The following TMEM182 variants were observed in gnomAD, a reference collection of about 807,000 sequenced individuals.
The protein encoded by TMEM182 is transmembrane protein 182.
In TMEM182, 20 loss-of-function variants were observed where a neutral mutation model predicts 26.8. The observed-to-expected ratio is 0.75, with a 90% CI of 0.53 to 1.09. The LOEUF is 1.09. TMEM182 is among the 50% of genes least tolerant of loss of function. The pLI is 0.00. For missense variants in TMEM182, 277 were observed against 275.5 expected, an observed-to-expected ratio of 1.01 and a Z score of -0.04; for synonymous variants, 109 against 102.2, an observed-to-expected ratio of 1.07 and a Z score of -0.40.
chr2:102,739,067 C>T (rs770760392), intron 1 of TMEM182, among the ~76,000 whole-genome samples: 3 of 152,166 alleles, frequency 2.0e-5, no homozygotes, highest in Non-Finnish European at 4.4e-5. Flanking sequence ...TGCGATTGCT[C>T]TCTTTTGTAG....
chr2:102,737,796 AG>A (rs1328685180), intron 1 of TMEM182, among the ~76,000 whole-genome samples: 1 of 152,250 alleles, frequency 6.6e-6, no homozygotes, highest in Non-Finnish European at 1.5e-5. Flanking sequence ...TGTTAACAAT[AG>A]TGACTAGCCC....
intron 1 of TMEM182, among the ~76,000 whole-genome samples, chr2:102,745,282 A>AG (rs1274953696): frequency 6.6e-6 from 1 of 152,018 alleles, no homozygotes; most frequent in Non-Finnish European, 1.5e-5. Flanking sequence ...AATCTTTCTT[A>AG]GAGTTTTTAT....
chr2:102,789,098 C>T (rs1008926109), intron 3 of TMEM182, among the ~76,000 whole-genome samples: 1 of 152,084 alleles, frequency 6.6e-6, no homozygotes. Context: ...TCATTTGCTG[C>T]GAGGGAGGTG....
At chr2:102,831,055 G>A (rs1252076525) in intron 3 of TMEM182, among the ~76,000 whole-genome samples, 1 of 152,166 alleles carries the variant, frequency 6.6e-6, no homozygotes, top group Non-Finnish European at 1.5e-5. Flanking sequence ...TTTTATGGCT[G>A]AAGAGTACTC....
intron 3 of TMEM182, among the ~76,000 whole-genome samples, chr2:102,842,520 C>T (rs1261296690): frequency 6.6e-6 from 1 of 152,068 alleles, no homozygotes; most frequent in Non-Finnish European, 1.5e-5. Context: ...CACCTAGATC[C>T]ACAGGGTCAG....
At chr2:102,764,696 T>C (rs2104661316) in intron 3 of TMEM182, among the ~76,000 whole-genome samples, 1 of 152,244 alleles carries the variant, frequency 6.6e-6, no homozygotes, top group East Asian at 1.9e-4. Flanking sequence ...AAGATAGTAA[T>C]ATTTATTAAG....
chr2:102,831,090 T>C (rs562658645), intron 3 of TMEM182, among the ~76,000 whole-genome samples: 1 of 152,380 alleles, frequency 6.6e-6, no homozygotes, highest in East Asian at 1.9e-4. Context: ...CCACCTTTTC[T>C]TTATCTGCTC....
intron 4 of TMEM182, among the ~76,000 whole-genome samples, chr2:102,812,972 G>A (rs115061993): frequency 0.011 from 1,698 of 152,250 alleles, 37 homozygotes; most frequent in African/African-American, 0.039. Context: ...AAAATCTGAG[G>A]TATGGCGTTG....
intron 4 of TMEM182, among the ~76,000 whole-genome samples, chr2:102,808,302 C>T (rs953075119): frequency 6.6e-6 from 1 of 152,136 alleles, no homozygotes; most frequent in Non-Finnish European, 1.5e-5. Flanking sequence ...TTTCCAATCT[C>T]CTACAATAAT....
intron 4 of TMEM182, among the ~76,000 whole-genome samples, chr2:102,802,053 C>G (rs144885809): frequency 6.6e-6 from 1 of 152,298 alleles, no homozygotes; most frequent in Non-Finnish European, 1.5e-5. Context: ...TGAGCTCTGC[C>G]CACAACTAGG....
chr2:102,753,403 G>T (rs950437598), intron 1 of TMEM182, among the ~76,000 whole-genome samples: 1 of 152,148 alleles, frequency 6.6e-6, no homozygotes, highest in Non-Finnish European at 1.5e-5. Flanking sequence ...TGAGCTTATG[G>T]ATCTTGCTGT....
chr2:102,792,369 C>T (rs1681684490), intron 3 of TMEM182, among the ~76,000 whole-genome samples: 1 of 152,128 alleles, frequency 6.6e-6, no homozygotes, highest in Admixed American at 6.6e-5. Context: ...AAGAATACTG[C>T]TTTCTGCATT....
chr2:102,746,271 T>A (rs1374706156), intron 1 of TMEM182, among the ~76,000 whole-genome samples: 1 of 151,984 alleles, frequency 6.6e-6, no homozygotes, highest in African/African-American at 2.4e-5. Flanking sequence ...ATTTTCCTGT[T>A]TTTTAATTGC....
downstream of TMEM182, among the ~76,000 whole-genome samples, chr2:102,818,745 C>CCTATCATCTATCTAT (rs1553444807): frequency 7.3e-6 from 1 of 136,410 alleles, no homozygotes; most frequent in African/African-American, 2.6e-5. Context: ...TCTATTTAAT[C>CCTATCATCTATCTAT]CTATCTATCT....
At chr2:102,763,847 A>G (rs1680313902) in intron 2 of TMEM182, among the ~76,000 whole-genome samples, 1 of 152,232 alleles carries the variant, frequency 6.6e-6, no homozygotes, top group Non-Finnish European at 1.5e-5. Flanking sequence ...AATATTAAAA[A>G]TTTATTTGAA....
At chr2:102,754,836 A>T (rs1314770277) in intron 1 of TMEM182, among the ~76,000 whole-genome samples, 1 of 152,214 alleles carries the variant, frequency 6.6e-6, no homozygotes, top group Non-Finnish European at 1.5e-5. Flanking sequence ...GTTTCAGTGT[A>T]CCTACTGATA....
chr2:102,774,431 T>G (rs1680823618), intron 3 of TMEM182, among the ~76,000 whole-genome samples: 1 of 151,288 alleles, frequency 6.6e-6, no homozygotes, highest in Non-Finnish European at 1.5e-5. Context: ...AATTTTTTTT[T>G]TTTTTGTATT....
intron 4 of TMEM182, among the ~76,000 whole-genome samples, chr2:102,800,623 TA>T (rs1482763815): frequency 6.6e-6 from 1 of 152,182 alleles, no homozygotes; most frequent in African/African-American, 2.4e-5. Flanking sequence ...GTGCTCTGTT[TA>T]CATGTACAAA....
intron 1 of TMEM182, among the ~76,000 whole-genome samples, chr2:102,752,443 T>A (rs898025460): frequency 6.6e-6 from 1 of 152,226 alleles, no homozygotes; most frequent in African/African-American, 2.4e-5. Flanking sequence ...AGGACCTGGC[T>A]GAGCAGAACG....
Sources: gnomAD v4.1 joint callset for allele counts (sites outside exome capture counted in the v4.1 genomes callset) on GRCh38, gnomAD v4.1.1 for gene constraint, MANE v1.5 for transcripts, NCBI Gene and HGNC (gene_info 2026-07-23, HGNC 2026-07-21) for gene names.